MICU1: variants seen among roughly 807,000 people sequenced by gnomAD.
MICU1 encodes mitochondrial calcium uptake 1.
Under a neutral mutation model 56.8 loss-of-function variants are expected in MICU1, and 45 were observed. The observed-to-expected ratio is 0.79, with a 90% CI of 0.62 to 1.02. The LOEUF (loss-of-function observed/expected upper bound fraction) is 1.02, where lower values mean the gene tolerates loss of function less well. MICU1 is among the 50% of genes least tolerant of loss of function. MICU1 has a pLI of 0.00. For missense variants in MICU1, 504 were observed against 587.1 expected (o/e 0.86, Z 1.46); for synonymous variants, 186 against 195.1 (o/e 0.95, Z 0.39).
intron 1 of MICU1, among the ~76,000 whole-genome samples, chr10:72,601,090 T>C (rs900696376): frequency 3.3e-5 from 5 of 152,096 alleles, no homozygotes; most frequent in African/African-American, 1.2e-4. Flanking sequence ...ACCTGGATGA[T>C]GGGTAGCTAT....
intron 10 of MICU1, among the ~76,000 whole-genome samples, chr10:72,378,962 A>G (rs1862615180): frequency 6.6e-6 from 1 of 152,182 alleles, no homozygotes; most frequent in Non-Finnish European, 1.5e-5. Context: ...GTGAAGAGGA[A>G]ATTAACATTC....
intron 4 of MICU1, among the ~76,000 whole-genome samples, chr10:72,541,734 T>G (rs886309186): frequency 5.3e-5 from 8 of 152,064 alleles, no homozygotes; most frequent in African/African-American, 1.9e-4. Flanking sequence ...TTAATTAAAC[T>G]CTCTTTACTG....
chr10:72,507,806 T>TA (rs1197515282), intron 6 of MICU1, among the ~76,000 whole-genome samples: 1 of 151,990 alleles, frequency 6.6e-6, no homozygotes, highest in Non-Finnish European at 1.5e-5. Context: ...TTTGTAGAGA[T>TA]GGGGTTTCAC....
intron 8 of MICU1, among the ~76,000 whole-genome samples, chr10:72,455,777 G>T (rs1465387935): frequency 6.6e-6 from 1 of 151,928 alleles, no homozygotes; most frequent in Non-Finnish European, 1.5e-5. Flanking sequence ...AATAAACCAT[G>T]GTGCATAGCA....
At chr10:72,539,381 T>A (rs942356696) in intron 4 of MICU1, among the ~76,000 whole-genome samples, 2 of 152,144 alleles carry the variant, frequency 1.3e-5, no homozygotes, top group African/African-American at 4.8e-5. Flanking sequence ...ACTGAAACTG[T>A]ATCAAATATC....
intron 6 of MICU1, among the ~76,000 whole-genome samples, chr10:72,500,275 TA>T (rs1564904461): frequency 4.3e-4 from 4 of 9,252 alleles, no homozygotes; most frequent in East Asian, 3.7e-3. Context: ...TATATATATA[TA>T]TATATATATA....
chr10:72,624,329 G>C (rs562078734), intron 1 of MICU1, among the ~76,000 whole-genome samples: 13 of 152,282 alleles, frequency 8.5e-5, no homozygotes, highest in African/African-American at 2.9e-4. Flanking sequence ...CAAGTAGCCA[G>C]GACTACAGGC....
At chr10:72,381,996 ACACACACACATT>A (rs1564837656) in intron 10 of MICU1, among the ~76,000 whole-genome samples, 1 of 148,912 alleles carries the variant, frequency 6.7e-6, no homozygotes, top group African/African-American at 2.5e-5. Context: ...ACACACACAC[ACACACACACATT>A]AAGATGGAGA....
chr10:72,578,215 T>G (rs914295264), intron 1 of MICU1, among the ~76,000 whole-genome samples: 14 of 152,124 alleles, frequency 9.2e-5, no homozygotes, highest in African/African-American at 3.1e-4. Flanking sequence ...GCAAAAGGAC[T>G]GTCACTTGCT....
chr10:72,492,789 G>GAATAAAATGAAATAA (rs1866703303), intron 6 of MICU1, among the ~76,000 whole-genome samples: 4 of 135,224 alleles, frequency 3.0e-5, no homozygotes, highest in African/African-American at 1.2e-4. Flanking sequence ...AAATAGAATA[G>GAATAAAATGAAATAA]AATAAAATAA....
intron 8 of MICU1, among the ~76,000 whole-genome samples, chr10:72,464,423 T>C (rs768356896): frequency 2.0e-5 from 3 of 152,110 alleles, no homozygotes; most frequent in Non-Finnish European, 2.9e-5. Flanking sequence ...TAATGCTTGC[T>C]GTGGCATTTC....
At chr10:72,616,478 T>G (rs530242383) in intron 1 of MICU1, among the ~76,000 whole-genome samples, 25 of 151,828 alleles carry the variant, frequency 1.6e-4, no homozygotes, top group Non-Finnish European at 2.2e-4. Flanking sequence ...TCCCAGCTAC[T>G]TGGGAGGCTG....
chr10:72,519,282 T>TA (rs1333890219), intron 5 of MICU1, among the ~76,000 whole-genome samples: 8 of 152,236 alleles, frequency 5.3e-5, no homozygotes, highest in African/African-American at 1.7e-4. Context: ...TCTTAGATCT[T>TA]ACTTATTTCA....
In MICU1 at chr10:72,438,777, C is replaced by T. The variant is rs1023534195; in HGVS notation, c.934-15406G>A. On this transcript the variant is annotated intron_variant, in intron 8 of 11. Transcript: ENST00000361114. ...TCAGAGAATACTATAAACACCTCTA[C>T]ACAAATAAACTAGAAAATCTAGAAG... Among the ~76,000 whole-genome samples, 5 of 152,204 alleles carry T rather than the reference C, an allele frequency of 3.3e-5. No individual in the cohort carries two copies. In the East Asian group the frequency reaches 9.6e-4, roughly 29 times the overall value.
chr10:72,443,829 C>G (rs1232502953), intron 8 of MICU1, among the ~76,000 whole-genome samples: 2 of 151,652 alleles, frequency 1.3e-5, no homozygotes, highest in Admixed American at 6.6e-5. Context: ...CCTCAGGGAT[C>G]TAGAACTAGA....
intron 4 of MICU1, among the ~76,000 whole-genome samples, chr10:72,547,290 T>C (rs749796151): frequency 6.6e-6 from 1 of 151,980 alleles, no homozygotes; most frequent in Non-Finnish European, 1.5e-5. Context: ...CCTCCTGCCA[T>C]AGCCTCCCAA....
rs35063866 is a variant in MICU1, at chr10:72,501,432, G to GT, written c.652+6722dup. Among the ~76,000 whole-genome samples, 562 of 142,182 alleles carry GT rather than the reference G, an allele frequency of 4.0e-3. 2 individuals carry two copies. Among genetic ancestry groups the GT allele is most frequent in the African/African-American group, 0.011 (427 of 39,316 alleles). 93.3% of individuals were successfully genotyped at this position (142,182 alleles called of 152,430 possible). On this transcript the variant is annotated intron_variant, in intron 6 of 11. Coordinates refer to ENST00000361114, the MANE Select transcript of MICU1 (RefSeq NM_001195518.2). ...AAGTAGAGTCTTAAGTTTGCTAAAG[G>GT]TTTTTTTTTTTTAATAAAATGAAAA...
intron 3 of MICU1, among the ~76,000 whole-genome samples, chr10:72,553,955 T>C (rs1026427232): frequency 5.9e-5 from 9 of 152,258 alleles, no homozygotes; most frequent in South Asian, 2.1e-4. Flanking sequence ...CAGAGATAAA[T>C]AGAAATCTGT....
chr10:72,476,935 G>T (rs1866142757), intron 7 of MICU1, among the ~76,000 whole-genome samples: 1 of 152,178 alleles, frequency 6.6e-6, no homozygotes, highest in Non-Finnish European at 1.5e-5. Context: ...TTATGTTGGA[G>T]AATCGGAGCA....
Sources: allele counts gnomAD v4.1 joint callset (sites outside exome capture counted in the v4.1 genomes callset), GRCh38; gene constraint gnomAD v4.1.1; transcripts MANE v1.5; gene names NCBI Gene and HGNC (gene_info 2026-07-23, HGNC 2026-07-21).